The following DAB1 variants were observed in gnomAD, a reference collection of about 807,000 sequenced individuals.
DAB1 encodes disabled homolog 1.
A neutral mutation model predicts 64.6 loss-of-function variants in DAB1; 15 were observed. That is an observed-to-expected ratio of 0.23 (90% CI 0.16 to 0.36). The LOEUF is 0.36. Ranked by LOEUF, DAB1 falls within the 10% of genes least tolerant of loss-of-function variation. The probability of loss-of-function intolerance (pLI) is 1.00; values close to 1 mark genes in which losing one functional copy is unlikely to be tolerated. For missense variants in DAB1, 596 were observed against 706.7 expected, an observed-to-expected ratio of 0.84 and a Z score of 1.78; for synonymous variants, 235 against 251.9, an observed-to-expected ratio of 0.93 and a Z score of 0.64.
chr1:57,623,050 A>C (rs1645879981), intron 7 of DAB1, among the ~76,000 whole-genome samples: 1 of 152,186 alleles, frequency 6.6e-6, no homozygotes, highest in Non-Finnish European at 1.5e-5. Context: ...AAATTTATTA[A>C]ATGATCATTG....
chr1:57,938,675 G>A (rs1282761088), intron 5 of DAB1, among the ~76,000 whole-genome samples: 2 of 152,098 alleles, frequency 1.3e-5, no homozygotes, highest in Admixed American at 6.6e-5. Context: ...CCAATCTCAA[G>A]TGTGTCTTTA....
chr1:58,117,854 A>G (rs202029246), intron 5 of DAB1, among the ~76,000 whole-genome samples: 6 of 133,680 alleles, frequency 4.5e-5, no homozygotes, highest in Non-Finnish European at 6.3e-5. Flanking sequence ...TTTTTTTTTT[A>G]TATTTTTTTT....
chr1:58,029,253 C>T (rs571727897), intron 5 of DAB1, among the ~76,000 whole-genome samples: 1 of 152,254 alleles, frequency 6.6e-6, no homozygotes, highest in African/African-American at 2.4e-5. Flanking sequence ...TCAATGCAGC[C>T]TCAGTGGGAT....
At chr1:57,751,871 C>T (rs1466603181) in intron 6 of DAB1, among the ~76,000 whole-genome samples, 2 of 138,412 alleles carry the variant, frequency 1.4e-5, no homozygotes, top group African/African-American at 5.7e-5. Context: ...ACAAACCTGC[C>T]TGTTTCCTCC....
At chr1:57,688,228 C>T (rs1227626713) in intron 6 of DAB1, among the ~76,000 whole-genome samples, 1 of 151,916 alleles carries the variant, frequency 6.6e-6, no homozygotes, top group Non-Finnish European at 1.5e-5. Context: ...AAAAGACAAT[C>T]TCCCCCTCCA....
At chr1:57,477,544 T>G (rs1643953937) in intron 7 of DAB1, among the ~76,000 whole-genome samples, 1 of 152,184 alleles carries the variant, frequency 6.6e-6, no homozygotes. Flanking sequence ...TTGATTATGC[T>G]GCGTATTGTG....
intron 2 of DAB1, among the ~76,000 whole-genome samples, chr1:57,187,815 C>T (rs762234279): frequency 6.6e-6 from 1 of 151,930 alleles, no homozygotes; most frequent in Non-Finnish European, 1.5e-5. Flanking sequence ...TTTGTCTCAG[C>T]GCTGATTGAG....
chr1:57,280,584 A>C (rs1671809438), intron 2 of DAB1, among the ~76,000 whole-genome samples: 1 of 152,204 alleles, frequency 6.6e-6, no homozygotes, highest in Non-Finnish European at 1.5e-5. Context: ...AAACATAAAA[A>C]TTCAGGCCCA....
At chr1:57,045,858 T>C (rs1392176701) in intron 9 of DAB1, among the ~76,000 whole-genome samples, 1 of 152,150 alleles carries the variant, frequency 6.6e-6, no homozygotes, top group African/African-American at 2.4e-5. Context: ...AGAACTTCTA[T>C]GATAGGCAGG....
chr1:57,249,948 A>T (rs1236634445), intron 2 of DAB1, among the ~76,000 whole-genome samples: 1 of 152,192 alleles, frequency 6.6e-6, no homozygotes, highest in Admixed American at 6.5e-5. Flanking sequence ...TTATTGTTAT[A>T]AATATACACA....
At chr1:57,057,640 T>C (rs1018132694) in intron 9 of DAB1, among the ~76,000 whole-genome samples, 21 of 149,756 alleles carry the variant, frequency 1.4e-4, no homozygotes, top group African/African-American at 3.5e-4. Context: ...CAGAGTCTCG[T>C]TCTGTTGCCC....
At chr1:57,695,099 C>T (rs1403990714) in intron 6 of DAB1, among the ~76,000 whole-genome samples, 2 of 151,498 alleles carry the variant, frequency 1.3e-5, no homozygotes, top group Non-Finnish European at 2.9e-5. Context: ...TGTGGCTTGC[C>T]TGTAATCCCA....
chr1:58,511,793 G>C (rs759470937), intron 2 of DAB1, among the ~76,000 whole-genome samples: 1 of 152,076 alleles, frequency 6.6e-6, no homozygotes, highest in Non-Finnish European at 1.5e-5. Flanking sequence ...AGATTTAAAC[G>C]TAAGACCTAA....
At chr1:57,273,265 T>A (rs1260285942) in intron 2 of DAB1, among the ~76,000 whole-genome samples, 1 of 152,098 alleles carries the variant, frequency 6.6e-6, no homozygotes, top group Non-Finnish European at 1.5e-5. Context: ...CTCGCCAACC[T>A]CCCCTAACAG....
chr1:58,277,624 A>C (rs1407218612), intron 4 of DAB1, among the ~76,000 whole-genome samples: 2 of 152,154 alleles, frequency 1.3e-5, no homozygotes, highest in African/African-American at 4.8e-5. Flanking sequence ...TTGCTCTGGG[A>C]ACTCAGTCAT....
At chr1:57,906,558 G>T (rs993675385) in intron 5 of DAB1, among the ~76,000 whole-genome samples, 8 of 152,182 alleles carry the variant, frequency 5.3e-5, no homozygotes, top group African/African-American at 1.9e-4. Context: ...AGTTGCTATG[G>T]TGTCAGGCAG....
rs547999905 is a variant in DAB1, at chr1:57,112,941, T to C, written c.306+23602A>G. On this transcript the variant is annotated intron_variant, in intron 4 of 14. Coordinates refer to ENST00000371236, the MANE Select transcript of DAB1 (RefSeq NM_001365792.1). ...ATTACAATACAATTCTAAGTGAATG[T>C]TGGAGACAGAAACATGAAGGACTAA... 1.4e-4 allele frequency among the ~76,000 whole-genome samples: 22 copies of C among 152,202 alleles called. No individual in the cohort carries two copies. In the South Asian group the frequency reaches 3.1e-3, roughly 22 times the overall value.
rs565750484 is a variant in DAB1 at position 58,246,477 on chromosome 1, A to G, written n.310-95889T>C. On this transcript the variant is annotated intron_variant and non_coding_transcript_variant, in intron 4 of 20. Coordinates refer to the DAB1 transcript ENST00000485760. ...TGAGGAGAGTCTACAGGACAAATGA[A>G]TAGAACACATTCTCCAAACAGGGAG... Among the ~76,000 whole-genome samples, 3 of 152,360 alleles carry G rather than the reference A, an allele frequency of 2.0e-5. No homozygotes were observed. The South Asian group carries it at 6.2e-4, about 32-fold the overall frequency.
intron 1 of DAB1, among the ~76,000 whole-genome samples, chr1:57,392,354 A>G (rs897209163): frequency 6.6e-6 from 1 of 152,188 alleles, no homozygotes; most frequent in African/African-American, 2.4e-5. Context: ...CCTGGGTGAC[A>G]GAGCGAGACT....
Sources: gnomAD v4.1 joint callset for allele counts (sites outside exome capture counted in the v4.1 genomes callset) on GRCh38, gnomAD v4.1.1 for gene constraint, MANE v1.5 for transcripts, NCBI Gene and HGNC (gene_info 2026-07-23, HGNC 2026-07-21) for gene names.